The following F10 variants were observed in gnomAD, a reference collection of about 807,000 sequenced individuals.
The protein encoded by F10 is Stuart-Prower factor.
F10 carries 29 observed loss-of-function variants against 37.1 expected under a neutral mutation model. The observed-to-expected ratio is 0.78, with a 90% CI of 0.58 to 1.07. The LOEUF (loss-of-function observed/expected upper bound fraction) is 1.07. F10 is among the 50% of genes least tolerant of loss of function. F10 has a pLI of 0.00. For missense variants in F10, 539 were observed against 667.9 expected (o/e 0.81, Z 2.13); for synonymous variants, 262 against 268.6 (o/e 0.98, Z 0.24).
Position 113,139,331 on chromosome 13 carries a change from C to A in F10, c.257-26C>A. ...TGATGCCGGAAACAGCTTGCAGACTCCAGTTTCGAAATCCTCTCTTTGCAG... is the reference window on the plus strand; with the variant it reads ...TGATGCCGGAAACAGCTTGCAGACTACAGTTTCGAAATCCTCTCTTTGCAG... On this transcript the variant is annotated intron_variant, in intron 3 of 7. Transcript: ENST00000375559. This position sits in a 1 kb window ranked among gnomAD's most constrained non-coding sequence, Gnocchi z 5.2. 1 of 1,592,818 alleles carries A rather than the reference C, an allele frequency of 6.3e-7. No individual in the cohort carries two copies. The highest frequency in any genetic ancestry group is 8.6e-7 in the Non-Finnish European group (1 of 1,160,980).
At chr13:113,138,000 A>G (rs893314383) in intron 2 of F10, among the ~76,000 whole-genome samples, 3 of 152,170 alleles carry the variant, frequency 2.0e-5, no homozygotes, top group Non-Finnish European at 4.4e-5. Context: ...GCCTGTGGAC[A>G]TTTTTTAGCG....
chr13:113,126,298 G>T (rs1011030040), intron 1 of F10, among the ~76,000 whole-genome samples: 1 of 152,172 alleles, frequency 6.6e-6, no homozygotes, highest in African/African-American at 2.4e-5. Context: ...CTTATAGGCC[G>T]TGTCCTACCC....
intron 1 of F10, among the ~76,000 whole-genome samples, chr13:113,123,982 G>T (rs1356128953): frequency 8.5e-5 from 13 of 152,226 alleles, no homozygotes; most frequent in Admixed American, 8.5e-4. Context: ...TGTGATGCTT[G>T]TGGTGGGATG....
At chr13:113,142,419 G>A (rs1322197550) in intron 5 of F10, among the ~76,000 whole-genome samples, 1 of 148,732 alleles carries the variant, frequency 6.7e-6, no homozygotes, top group Non-Finnish European at 1.5e-5. Context: ...GCATGGTGGT[G>A]CACGCCTGTA....
chr13:113,132,604 T>C (rs946438330), intron 2 of F10, among the ~76,000 whole-genome samples: 5 of 152,166 alleles, frequency 3.3e-5, no homozygotes, highest in African/African-American at 1.2e-4. Flanking sequence ...CTCCAAAACA[T>C]GGATAGAATG....
chr13:113,136,385 T>C (rs953713060), intron 2 of F10, among the ~76,000 whole-genome samples: 1 of 151,926 alleles, frequency 6.6e-6, no homozygotes, highest in African/African-American at 2.4e-5. Flanking sequence ...GCATTTACCC[T>C]AGAGAAATGA....
chr13:113,139,660 A>G lies in F10; in HGVS notation c.370+190A>G, dbSNP rs1201277137. On this transcript the variant is annotated intron_variant, in intron 4 of 7. Transcript: ENST00000375559. The surrounding 1 kb of genome is among the most constrained non-coding windows in gnomAD (Gnocchi z 5.2). ...AAAAAAAGCCCCAATATGTCCCCCA[A>G]ACGATTCGGTTTGGGGGCATGATGA... Among the ~76,000 whole-genome samples, 2 of 151,902 alleles carry G rather than the reference A, an allele frequency of 1.3e-5. No homozygotes were observed. The highest frequency in any genetic ancestry group is 4.8e-5 in the African/African-American group (2 of 41,368).
intron 7 of F10, among the ~76,000 whole-genome samples, chr13:113,148,109 C>T (rs1028387737): frequency 7.2e-5 from 11 of 151,982 alleles, no homozygotes; most frequent in African/African-American, 2.7e-4. Context: ...GCGGGCAGAT[C>T]ACCTGAGGTC....
At chr13:113,147,126 G>A (rs939477273) in intron 6 of F10, among the ~76,000 whole-genome samples, 8 of 152,228 alleles carry the variant, frequency 5.3e-5, no homozygotes, top group Non-Finnish European at 7.3e-5. Flanking sequence ...CAGATGTGTC[G>A]TGTGCATGAG....
At position 113,147,445 on chromosome 13, in the gene F10, C is replaced by T; in HGVS notation, c.814C>T (p.Leu272=). The T allele has an allele frequency of 6.2e-7, 1 of 1,613,988 alleles. No individual in the cohort carries two copies. Among genetic ancestry groups the T allele is most frequent in the Non-Finnish European group, 8.5e-7 (1 of 1,179,856 alleles). Residue 272 remains leucine (L), a synonymous_variant, in exon 7 of 8, where the codon CTA becomes TTA. Transcript: ENST00000375559. The stretch of plus-strand genomic sequence containing the variant: ...AACCATTCTGAGCGAGTTCTACATC[C>T]TAACGGCAGCCCACTGTCTCTACCA... ...GGTILSEFYI[L]TAAHCLYQAK...
chr13:113,138,334 C>A, intron 2 of F10, 123 bp from the exon 3 acceptor site: 2 of 568,110 alleles, frequency 3.5e-6, no homozygotes, highest in East Asian at 5.9e-5. Flanking sequence ...CAATTCATTC[C>A]TAAAAGTGAC....
At position 113,141,015 on chromosome 13, in the gene F10, C is replaced by T; in HGVS notation, c.467C>T (p.Thr156Ile). The T allele has an allele frequency of 6.2e-7, 1 of 1,614,054 alleles. No homozygotes were observed. The highest frequency in any genetic ancestry group is 8.5e-7 in the Non-Finnish European group (1 of 1,180,046). ...GTGTGCTCCTGCGCCCGCGGGTACA[C>T]CCTGGCTGACAACGGCAAGGCCTGC... Reference protein sequence around the residue: ...SVVCSCARGYTLADNGKACIP... With the variant: ...SVVCSCARGYILADNGKACIP... The change falls in exon 5 of 8, where the codon ACC becomes ATC. Residue 156 changes from threonine (T) to isoleucine (I), a missense_variant. By Grantham distance (89) the Thr-to-Ile change is moderately conservative. Around this residue, in one of 2 missense-constraint regions of F10, gnomAD observed 409 missense variants for 547.9 expected, o/e 0.75. Transcript: ENST00000375559. The surrounding 1 kb of genome is among the most constrained non-coding windows in gnomAD (Gnocchi z 5.4).
chr13:113,142,466 C>T (rs966151643), intron 5 of F10, among the ~76,000 whole-genome samples: 3 of 141,860 alleles, frequency 2.1e-5, no homozygotes, highest in Admixed American at 7.2e-5. Flanking sequence ...AAGAGAATGG[C>T]GTGAACCTGG....
In F10 at chr13:113,139,072, C is replaced by T. The variant is rs78395091; in HGVS notation, c.257-285C>T. Among the ~76,000 whole-genome samples, 82 of 152,358 alleles carry T rather than the reference C, an allele frequency of 5.4e-4. No homozygotes were observed. Among genetic ancestry groups the T allele is most frequent in the African/African-American group, 1.9e-3 (80 of 41,588 alleles). On this transcript the variant is annotated intron_variant, in intron 3 of 7. Coordinates refer to ENST00000375559, the MANE Select transcript of F10 (RefSeq NM_000504.4). The surrounding 1 kb of genome is among the most constrained non-coding windows in gnomAD (Gnocchi z 5.2). Reference sequence around the variant, plus strand: ...CATCAGGCTCTCACCTTTCCTCCATCCTTCCAGTTGGTCCCTGTGGTCACC... The same window carrying T: ...CATCAGGCTCTCACCTTTCCTCCATTCTTCCAGTTGGTCCCTGTGGTCACC...
chr13:113,142,822 C>T (rs1440005760), intron 5 of F10, among the ~76,000 whole-genome samples: 8 of 151,894 alleles, frequency 5.3e-5, no homozygotes, highest in Non-Finnish European at 1.0e-4. Context: ...ATCCCAGCTA[C>T]TCGGGAGGCT....
intron 1 of F10, 133 bp downstream of exon 1, chr13:113,123,058 G>A: frequency 3.7e-6 from 4 of 1,081,522 alleles, no homozygotes; most frequent in Non-Finnish European, 5.4e-6. Context: ...GGGCTCGGAT[G>A]GCTGGGCTTG....
In F10 at chr13:113,139,416, G is replaced by A. The variant is rs745886909; in HGVS notation, c.316G>A (p.Gly106Arg). The A allele has an allele frequency of 2.9e-5, 46 of 1,613,784 alleles. No individual in the cohort carries two copies. Among genetic ancestry groups the A allele is most frequent in the Admixed American group, 3.3e-5 (2 of 59,982 alleles). The stretch of plus-strand genomic sequence containing the variant: ...CCAGGGCAAATGTAAAGACGGCCTC[G>A]GGGAATACACCTGCACCTGTTTAGA... Reference protein sequence around the residue: ...QNQGKCKDGLGEYTCTCLEGF... With the variant: ...QNQGKCKDGLREYTCTCLEGF... The change falls in exon 4 of 8, where the codon GGG (glycine) becomes AGG (arginine). Residue 106 changes from glycine (G) to arginine (R), a missense_variant. Gly to Arg is a moderately radical substitution (Grantham distance 125). Transcript: ENST00000375559. This position sits in a 1 kb window ranked among gnomAD's most constrained non-coding sequence, Gnocchi z 5.2.
intron 5 of F10, among the ~76,000 whole-genome samples, chr13:113,142,286 A>C (rs954339220): frequency 1.3e-5 from 2 of 152,204 alleles, no homozygotes; most frequent in South Asian, 4.1e-4. Context: ...TCATGCCTGT[A>C]ATCCCAGCAT....
At chr13:113,148,366 A>G (rs1292865879) in intron 7 of F10, among the ~76,000 whole-genome samples, 66 of 94,770 alleles carry the variant, frequency 7.0e-4, no homozygotes, top group East Asian at 1.2e-3. Flanking sequence ...ATATATATGT[A>G]TATATATATG....
Sources: allele counts gnomAD v4.1 joint callset (sites outside exome capture counted in the v4.1 genomes callset), GRCh38; gene constraint gnomAD v4.1.1; regional missense constraint gnomAD v4.1.1; non-coding constraint Gnocchi (gnomAD v3.1); transcripts MANE v1.5; gene names NCBI Gene and HGNC (gene_info 2026-07-23, HGNC 2026-07-21).